The following TNRC18 variants were observed in gnomAD, a reference collection of about 807,000 sequenced individuals.
TNRC18 encodes the protein trinucleotide repeat-containing gene 18 protein.
TNRC18 carries 69 observed loss-of-function variants against 226.7 expected under a neutral mutation model. The ratio of observed to expected loss-of-function variants is 0.30; its 90% CI spans 0.25 to 0.37. TNRC18 has a LOEUF of 0.37. TNRC18 is among the 10% of genes least tolerant of loss of function. The pLI is 1.00. For missense variants in TNRC18, 4,754 were observed against 4,256.6 expected (o/e 1.12, Z -3.25); for synonymous variants, 2,449 against 1,927.6 (o/e 1.27, Z -7.09).
intron 17 of TNRC18, among the ~76,000 whole-genome samples, chr7:5,349,157 A>G (rs1328836684): frequency 1.3e-5 from 2 of 152,230 alleles, no homozygotes; most frequent in Non-Finnish European, 2.9e-5. Flanking sequence ...AGCCGAGAGC[A>G]GCCCAATGCC....
chr7:5,422,872 T>G (rs528086320), intron 1 of TNRC18: 23 of 152,352 alleles, frequency 1.5e-4, no homozygotes, highest in African/African-American at 4.1e-4. Flanking sequence ...AAGGAGGCGA[T>G]GAGCTTCCCG....
At chr7:5,337,694 T>G (rs528076351) in intron 18 of TNRC18, among the ~76,000 whole-genome samples, 1 of 152,142 alleles carries the variant, frequency 6.6e-6, no homozygotes, top group African/African-American at 2.4e-5. Flanking sequence ...TGATTAAAAC[T>G]AAGTTTGTGG....
chr7:5,326,200 A>G (rs1285486338), intron 19 of TNRC18, among the ~76,000 whole-genome samples: 17 of 152,010 alleles, frequency 1.1e-4, no homozygotes, highest in Non-Finnish European at 1.8e-4. Context: ...AGCACACACA[A>G]CCGTGTAAAT....
At chr7:5,319,274 T>C (rs1788117577) in intron 24 of TNRC18, among the ~76,000 whole-genome samples, 1 of 152,216 alleles carries the variant, frequency 6.6e-6, no homozygotes, top group South Asian at 2.1e-4. Flanking sequence ...TGGCATTGGC[T>C]TCCATCTTCT....
At chr7:5,398,643 G>T (rs1189398579) in intron 2 of TNRC18, among the ~76,000 whole-genome samples, 1 of 146,364 alleles carries the variant, frequency 6.8e-6, no homozygotes, top group Non-Finnish European at 1.5e-5. Context: ...TAAAGACAGG[G>T]TCTCTCTCTG....
intron 19 of TNRC18, among the ~76,000 whole-genome samples, chr7:5,327,372 CGTGTGTGTGTGTGTGTGT>C (rs5882054): frequency 1.2e-4 from 17 of 142,804 alleles, no homozygotes; most frequent in East Asian, 4.9e-4. Flanking sequence ...TGTGTTTGTG[CGTGTGTGTGTGTGTGTGT>C]GTGTGTGTGT....
chr7:5,420,838 G>T (rs547210947), intron 2 of TNRC18: 1 of 721,752 alleles, frequency 1.4e-6, no homozygotes, highest in Non-Finnish European at 2.5e-6. Context: ...GGCTCACGAG[G>T]GCCAAGCACG....
At chr7:5,369,243 G>C (rs1445329818) in intron 11 of TNRC18, among the ~76,000 whole-genome samples, 1 of 152,188 alleles carries the variant, frequency 6.6e-6, no homozygotes, top group East Asian at 1.9e-4. Flanking sequence ...AGCTACCTGG[G>C]AGGCTGAAGT....
At chr7:5,342,692 T>C (rs1314273335) in intron 18 of TNRC18, among the ~76,000 whole-genome samples, 2 of 152,196 alleles carry the variant, frequency 1.3e-5, no homozygotes, top group African/African-American at 4.8e-5. Context: ...GTGAACACTG[T>C]TGAAATGACA....
intron 2 of TNRC18, among the ~76,000 whole-genome samples, chr7:5,415,561 A>T (rs1200014167): frequency 1.3e-5 from 2 of 150,478 alleles, no homozygotes; most frequent in African/African-American, 4.9e-5. Context: ...TTATATTTTC[A>T]GTAGAGATGC....
In TNRC18 at chr7:5,421,029, G is replaced by A. The variant is rs141061541; in HGVS notation, c.187+31C>T. On this transcript the variant is annotated intron_variant, in intron 2 of 29. Coordinates refer to ENST00000430969, the MANE Select transcript of TNRC18 (RefSeq NM_001080495.3). Reference sequence around the variant, plus strand: ...CCGAGTGGATCTCCCTGGGAAGACAGGAGGGGACGGGCACGGCGCGGGGCA... The same window carrying A: ...CCGAGTGGATCTCCCTGGGAAGACAAGAGGGGACGGGCACGGCGCGGGGCA... 655 of 1,536,194 alleles carry A rather than the reference G, an allele frequency of 4.3e-4. 9 individuals carry two copies. The East Asian group carries it at 0.015, about 36-fold the overall frequency.
chr7:5,388,750 G>A lies in TNRC18; in HGVS notation c.1074C>T (p.Thr358=), dbSNP rs916497557. Residue 358 remains threonine (T), a synonymous_variant, in exon 5 of 30, where the codon ACC becomes ACT. Coordinates refer to ENST00000430969, the MANE Select transcript of TNRC18 (RefSeq NM_001080495.3). ...GCTCACGGCCCTGCTCGCGGAAGAC[G>A]GTGTAGACGCCGGCGGGGGTGGCCG... ...PPAATPAGVY[T]VFREQGREHR... is the part of the protein sequence containing the mutation. 7 of 1,244,904 alleles carry A rather than the reference G, an allele frequency of 5.6e-6. No individual in the cohort carries two copies. Among genetic ancestry groups the A allele is most frequent in the African/African-American group, 3.2e-5 (2 of 62,226 alleles). 77.1% of individuals were successfully genotyped at this position (1,244,904 alleles called of 1,614,324 possible).
In TNRC18 at chr7:5,387,754, C is replaced by A; in HGVS notation, c.2070G>T (p.Arg690=). 1 of 1,607,602 alleles carries A rather than the reference C, an allele frequency of 6.2e-7. No individual in the cohort carries two copies. Among genetic ancestry groups the A allele is most frequent in the Non-Finnish European group, 8.5e-7 (1 of 1,179,802 alleles). The change falls in exon 5 of 30, where the codon CGG becomes CGT. Residue 690 remains arginine, a synonymous_variant. Transcript: ENST00000430969. ...GGCCACTGCCGCCACTGTCCTTCTG[C>A]CGGGCCACAGCCACTGCAATGCCCA... is the stretch of plus-strand genomic sequence containing the variant. ...PPVGIAVAVA[R]QKDSGGSGRL... is the part of the protein sequence containing the mutation.
At chr7:5,351,754 C>T (rs1227810466) in intron 17 of TNRC18, 65 bp downstream of exon 17, 73 of 1,475,592 alleles carry the variant, frequency 4.9e-5, no homozygotes, top group Admixed American at 2.8e-4. Flanking sequence ...GCTTCCCTCT[C>T]GCTCACTCGC....
intron 9 of TNRC18, 52 bp from the exon 10 acceptor site, chr7:5,374,536 C>T (rs964973548): frequency 2.9e-5 from 44 of 1,505,346 alleles, no homozygotes; most frequent in South Asian, 1.5e-4. Context: ...TCCCCCTCCC[C>T]GACGCCCGCA....
At chr7:5,398,173 A>ATTT (rs1288938002) in intron 2 of TNRC18, among the ~76,000 whole-genome samples, 1 of 149,654 alleles carries the variant, frequency 6.7e-6, no homozygotes, top group Non-Finnish European at 1.5e-5. Context: ...GCAAAAAAAA[A>ATTT]TTTTTTTTTT....
intron 24 of TNRC18, among the ~76,000 whole-genome samples, chr7:5,316,852 G>T (rs1200393483): frequency 6.6e-6 from 1 of 152,124 alleles, no homozygotes; most frequent in African/African-American, 2.4e-5. Context: ...AGAGAATCCT[G>T]CCAAGGCTCG....
rs1055391772 is a variant in TNRC18 at position 5,394,217 on chromosome 7, G to C, written c.343+223C>G. Among the ~76,000 whole-genome samples, 17 of 152,156 alleles carry C rather than the reference G, an allele frequency of 1.1e-4. No homozygotes were observed. Among genetic ancestry groups the C allele is most frequent in the African/African-American group, 3.9e-4 (16 of 41,440 alleles). On this transcript the variant is annotated intron_variant, in intron 3 of 29. Coordinates refer to ENST00000430969, the MANE Select transcript of TNRC18 (RefSeq NM_001080495.3). The surrounding 1 kb of genome is among the most constrained non-coding windows in gnomAD (Gnocchi z 4.5). ...GGAGGAGGACTGGAAGGTGGTCTGT[G>C]GCATGGGGTGTCAGGCTGAAAGGAG...
Position 5,312,105 on chromosome 7 carries a change from C to A in TNRC18, c.8388+398G>T, listed in dbSNP as rs184316053. On this transcript the variant is annotated intron_variant, in intron 27 of 29. Transcript: ENST00000430969. This position sits in a 1 kb window ranked among gnomAD's most constrained non-coding sequence, Gnocchi z 6.3. The stretch of plus-strand genomic sequence containing the variant: ...AAGCCAAGATCACACCACCACACTC[C>A]AGCCTGGGCAACAGAGAGAGACTCA... Among the ~76,000 whole-genome samples, 255 of 152,318 alleles carry A rather than the reference C, an allele frequency of 1.7e-3. 1 individual carries two copies. The highest frequency in any genetic ancestry group is 6.0e-3 in the African/African-American group (248 of 41,570).
Sources: gnomAD v4.1 joint callset for allele counts (sites outside exome capture counted in the v4.1 genomes callset) on GRCh38, gnomAD v4.1.1 for gene constraint, Gnocchi (gnomAD v3.1) non-coding constraint, MANE v1.5 for transcripts, NCBI Gene and HGNC (gene_info 2026-07-23, HGNC 2026-07-21) for gene names.